Variants in PAG1 observed in about 807,000 individuals in gnomAD.
PAG1 encodes the protein phosphoprotein membrane anchor with glycosphingolipid microdomains 1.
In PAG1, 23 loss-of-function variants were observed where a neutral mutation model predicts 31.7. That is an observed-to-expected ratio of 0.73 (90% CI 0.52 to 1.03). The LOEUF (loss-of-function observed/expected upper bound fraction) is 1.03, where lower values mean the gene tolerates loss of function less well. Ranked by LOEUF, PAG1 falls within the 50% of genes least tolerant of loss-of-function variation. The probability of loss-of-function intolerance (pLI) is 0.00; values close to 1 mark genes in which losing one functional copy is unlikely to be tolerated. For synonymous variants in PAG1, 214 were observed against 210.3 expected, an observed-to-expected ratio of 1.02 and a Z score of -0.15; for missense variants, 473 against 540.7, an observed-to-expected ratio of 0.87 and a Z score of 1.24.
chr8:81,023,376 C>CATGATAG (rs1442387997), intron 3 of PAG1, among the ~76,000 whole-genome samples: 29 of 152,164 alleles, frequency 1.9e-4, no homozygotes, highest in African/African-American at 7.0e-4. Flanking sequence ...ATTAATATGT[C>CATGATAG]ATGATAGATA....
intron 2 of PAG1, among the ~76,000 whole-genome samples, chr8:81,031,757 T>C (rs1000598006): frequency 3.3e-5 from 5 of 152,222 alleles, no homozygotes; most frequent in African/African-American, 1.2e-4. Flanking sequence ...AATATAAAAA[T>C]GGTGCACAGT....
chr8:81,044,759 C>T (rs1474551811), intron 2 of PAG1, among the ~76,000 whole-genome samples: 3 of 152,168 alleles, frequency 2.0e-5, no homozygotes, highest in Non-Finnish European at 4.4e-5. Context: ...TATCTGCTCA[C>T]ATCCAAAGGC....
chr8:80,988,284 A>G (rs2130458579), intron 5 of PAG1, among the ~76,000 whole-genome samples: 1 of 152,322 alleles, frequency 6.6e-6, no homozygotes, highest in South Asian at 2.1e-4. Context: ...GTGCCATGCT[A>G]TGAGAAACGT....
chr8:81,007,852 C>T (rs1417918651), intron 3 of PAG1, among the ~76,000 whole-genome samples: 1 of 152,048 alleles, frequency 6.6e-6, no homozygotes, highest in Admixed American at 6.6e-5. Flanking sequence ...CCTGCCAATG[C>T]TTACTGTGAG....
intron 2 of PAG1, among the ~76,000 whole-genome samples, chr8:81,030,345 C>T (rs1808359035): frequency 6.6e-6 from 1 of 152,240 alleles, no homozygotes; most frequent in African/African-American, 2.4e-5. Context: ...AAAAAAGCCA[C>T]GTAAGTGTCT....
intron 1 of PAG1, among the ~76,000 whole-genome samples, chr8:81,073,450 A>G (rs1809126061): frequency 1.3e-5 from 2 of 152,128 alleles, no homozygotes; most frequent in Admixed American, 1.3e-4. Flanking sequence ...GGGCTCAACA[A>G]TCTCTAGTAA....
intron 2 of PAG1, among the ~76,000 whole-genome samples, chr8:81,034,675 C>T (rs1358800725): frequency 6.6e-6 from 1 of 152,126 alleles, no homozygotes; most frequent in Admixed American, 6.5e-5. Context: ...TGGCTTCAAC[C>T]TTGTTTGAGT....
At chr8:81,067,776 T>C (rs1809030841) in intron 2 of PAG1, 1 of 152,258 alleles carries the variant, frequency 6.6e-6, no homozygotes, top group African/African-American at 2.4e-5. Flanking sequence ...AGAATTGGTT[T>C]GAATTAAAAA....
At chr8:81,020,831 T>C (rs1335749593) in intron 3 of PAG1, among the ~76,000 whole-genome samples, 1 of 152,198 alleles carries the variant, frequency 6.6e-6, no homozygotes, top group African/African-American at 2.4e-5. Context: ...AATGCCAAAA[T>C]TTCATCCTTA....
intron 1 of PAG1, among the ~76,000 whole-genome samples, chr8:81,100,120 T>C (rs1809586479): frequency 6.6e-6 from 1 of 152,164 alleles, no homozygotes; most frequent in African/African-American, 2.4e-5. Flanking sequence ...GCAAATGAAA[T>C]CTAAATTATT....
intron 1 of PAG1, among the ~76,000 whole-genome samples, chr8:81,096,045 G>A (rs759437037): frequency 5.3e-5 from 8 of 152,184 alleles, no homozygotes; most frequent in Non-Finnish European, 1.0e-4. Flanking sequence ...GGATATTCAC[G>A]TAAATTTCAC....
chr8:81,044,318 G>C (rs561224372), intron 2 of PAG1, among the ~76,000 whole-genome samples: 1 of 152,304 alleles, frequency 6.6e-6, no homozygotes, highest in African/African-American at 2.4e-5. Context: ...TAGGATTGAT[G>C]TCCTTACATA....
At chr8:80,982,185 A>C (rs558961412) in intron 7 of PAG1, among the ~76,000 whole-genome samples, 1 of 152,172 alleles carries the variant, frequency 6.6e-6, no homozygotes, top group South Asian at 2.1e-4. Flanking sequence ...TCTTTATAGC[A>C]AAATCTTTTA....
rs753833221 is a variant in PAG1 at position 80,976,535 on chromosome 8, T to C, written c.*9A>G. 1.5e-5 allele frequency: 24 copies of C among 1,602,666 alleles called. No homozygotes were observed. Among genetic ancestry groups the C allele is most frequent in the Non-Finnish European group, 1.9e-5 (22 of 1,175,576 alleles). On this transcript the variant is annotated 3_prime_UTR_variant, in exon 9 of 9. Transcript: ENST00000220597. ...GATCACAGGCTACCCAGGGTTGTCT[T>C]CTGGGTTGCTAGAGCCTGGTAATAT... is the stretch of plus-strand genomic sequence containing the variant.
At chr8:81,066,337 A>G (rs1478224179) in intron 2 of PAG1, among the ~76,000 whole-genome samples, 1 of 152,224 alleles carries the variant, frequency 6.6e-6, no homozygotes, top group Non-Finnish European at 1.5e-5. Context: ...GCACTTTTTC[A>G]GGCTTATGAG....
intron 3 of PAG1, among the ~76,000 whole-genome samples, chr8:81,022,794 A>C (rs1586171124): frequency 1.3e-5 from 2 of 152,236 alleles, no homozygotes; most frequent in South Asian, 4.1e-4. Context: ...CTGGGACAGG[A>C]AATTATAGGA....
chr8:80,982,836 C>T (rs1378468491), intron 7 of PAG1, among the ~76,000 whole-genome samples: 2 of 152,216 alleles, frequency 1.3e-5, no homozygotes, highest in Non-Finnish European at 2.9e-5. Context: ...CCGCAAATCT[C>T]TTGGCTCTGG....
At position 80,995,900 on chromosome 8, in the gene PAG1, T is replaced by G. The variant is rs1018934897; in HGVS notation, c.-80-2593A>C. 2.6e-5 allele frequency among the ~76,000 whole-genome samples: 4 copies of G among 152,146 alleles called. No homozygotes were observed. The East Asian group carries it at 5.8e-4, about 22-fold the overall frequency. On this transcript the variant is annotated intron_variant, in intron 3 of 8. Transcript: ENST00000220597. ...TAGTACAGTGCAGGGAGAAAGAGGA[T>G]GAAAGGGGATTATTACAAGCTGTGG...
At chr8:81,020,119 A>G (rs1808137612) in intron 3 of PAG1, among the ~76,000 whole-genome samples, 2 of 152,262 alleles carry the variant, frequency 1.3e-5, no homozygotes, top group South Asian at 4.2e-4. Context: ...TATTTACCCA[A>G]TGCCTGTACC....
Sources: allele counts gnomAD v4.1 joint callset (sites outside exome capture counted in the v4.1 genomes callset), GRCh38; gene constraint gnomAD v4.1.1; transcripts MANE v1.5; gene names NCBI Gene and HGNC (gene_info 2026-07-23, HGNC 2026-07-21).